Variants in PIEZO2 observed in about 807,000 individuals in gnomAD.
The protein encoded by PIEZO2 is piezo-type mechanosensitive ion channel component 2.
A neutral mutation model predicts 337.3 loss-of-function variants in PIEZO2; 172 were observed. That is an observed-to-expected ratio of 0.51 (90% confidence interval 0.45 to 0.58). The LOEUF is 0.58. Among genes scored for constraint, PIEZO2 ranks in the 20% least tolerant of loss-of-function variants. The pLI is 0.00. For missense variants in PIEZO2, 3,028 were observed against 3,391.3 expected, an observed-to-expected ratio of 0.89 and a Z score of 2.66; for synonymous variants, 1,251 against 1,228.5, an observed-to-expected ratio of 1.02 and a Z score of -0.38.
Position 10,885,147 on chromosome 18 carries a change from G to C in PIEZO2, c.330-13732C>G, listed in dbSNP as rs563241236. 5.0e-4 allele frequency among the ~76,000 whole-genome samples: 76 copies of C among 152,102 alleles called. 1 individual carries two copies. Among genetic ancestry groups the C allele is most frequent in the South Asian group, 3.7e-3 (18 of 4,804 alleles). ...CTCAGCATAAAGAGGGAATAAAGCC[G>C]GGCGTGGTGGCTCACGCCTGTAATC... On this transcript the variant is annotated intron_variant, in intron 4 of 55. Coordinates refer to ENST00000674853, the MANE Select transcript of PIEZO2 (RefSeq NM_001378183.1).
At position 10,713,996 on chromosome 18, in the gene PIEZO2, G is replaced by A. The variant is rs1327244476; in HGVS notation, c.5423+768C>T. ...TCTGCGGTGCAGGAAGAGGCAATGAGAGACAGCATACTAGGGTGGTTGAGA... is the reference window on the plus strand; with the variant it reads ...TCTGCGGTGCAGGAAGAGGCAATGAAAGACAGCATACTAGGGTGGTTGAGA... On this transcript the variant is annotated intron_variant, in intron 39 of 55. Transcript: ENST00000674853. This position sits in a 1 kb window ranked among gnomAD's most constrained non-coding sequence, Gnocchi z 4.5. 6.6e-6 allele frequency among the ~76,000 whole-genome samples: 1 copy of A among 152,184 alleles called. No homozygotes were observed. The highest frequency in any genetic ancestry group is 1.5e-5 in the Non-Finnish European group (1 of 68,032).
chr18:11,057,325 G>T (rs967338878), intron 2 of PIEZO2, among the ~76,000 whole-genome samples: 12 of 152,136 alleles, frequency 7.9e-5, no homozygotes, highest in African/African-American at 2.9e-4. Context: ...AGCTTAGAGT[G>T]ATTCCTGATT....
In PIEZO2 at chr18:10,858,157, T is replaced by A. The variant is rs1302989748; in HGVS notation, c.493-946A>T. Among the ~76,000 whole-genome samples, 8 of 150,468 alleles carry A rather than the reference T, an allele frequency of 5.3e-5. No individual in the cohort carries two copies. In the East Asian group the frequency reaches 5.9e-4, roughly 11 times the overall value. ...CAACATGGTGAAACCCCGTCTCTAC[T>A]AAAAATACAAAAAATTAGCTGAGTG... On this transcript the variant is annotated intron_variant, in intron 5 of 55. Transcript: ENST00000674853.
chr18:10,887,177 C>T (rs2042632475), intron 4 of PIEZO2, among the ~76,000 whole-genome samples: 2 of 148,620 alleles, frequency 1.3e-5, no homozygotes. Context: ...TCAAGCGATC[C>T]TCCTGCCTCA....
At chr18:11,065,763 T>C (rs931511652) in intron 2 of PIEZO2, among the ~76,000 whole-genome samples, 6 of 152,242 alleles carry the variant, frequency 3.9e-5, no homozygotes, top group African/African-American at 1.4e-4. Context: ...GCCACCACAC[T>C]CTCCCCACAA....
rs1184540292 is a variant in PIEZO2, at chr18:10,821,865, T to C, written c.918-14591A>G. 6.6e-6 allele frequency among the ~76,000 whole-genome samples: 1 copy of C among 152,268 alleles called. No individual in the cohort carries two copies. Among genetic ancestry groups the C allele is most frequent in the African/African-American group, 2.4e-5 (1 of 41,480 alleles). On this transcript the variant is annotated intron_variant, in intron 7 of 55. Transcript: ENST00000674853. This position sits in a 1 kb window ranked among gnomAD's most constrained non-coding sequence, Gnocchi z 4.2. ...CCTTGTTCTCTTTTTACTTTCTTTT[T>C]ATATTGTTTGTAAATTTAAACGTGA...
At chr18:11,073,153 C>T (rs11080482) in intron 1 of PIEZO2, among the ~76,000 whole-genome samples, 78,670 of 151,970 alleles carry the variant, frequency 0.52, 22,331 homozygotes, top group East Asian at 0.97. Flanking sequence ...TACCATTATT[C>T]ATAGCAAAGT....
intron 2 of PIEZO2, among the ~76,000 whole-genome samples, chr18:11,023,214 T>C (rs934076979): frequency 6.6e-6 from 1 of 152,112 alleles, no homozygotes; most frequent in Non-Finnish European, 1.5e-5. Context: ...CAGCCTGCTT[T>C]TATTCTCTTA....
chr18:11,089,353 T>G (rs2039002208), intron 1 of PIEZO2, among the ~76,000 whole-genome samples: 1 of 152,198 alleles, frequency 6.6e-6, no homozygotes, highest in Admixed American at 6.5e-5. Context: ...GAAATCAATG[T>G]GTCATCAAGC....
chr18:10,984,362 A>G (rs2034788726), intron 2 of PIEZO2, among the ~76,000 whole-genome samples: 2 of 152,062 alleles, frequency 1.3e-5, no homozygotes, highest in Admixed American at 1.3e-4. Flanking sequence ...AAATATATTA[A>G]TAAAATGAGA....
chr18:10,978,032 C>G (rs970185677), intron 3 of PIEZO2, among the ~76,000 whole-genome samples: 37 of 152,196 alleles, frequency 2.4e-4, no homozygotes, highest in African/African-American at 7.2e-4. Context: ...CTAAAAACTG[C>G]TGAACTGTGG....
intron 4 of PIEZO2, among the ~76,000 whole-genome samples, chr18:10,893,350 G>C (rs1202336284): frequency 6.6e-6 from 1 of 152,170 alleles, no homozygotes; most frequent in Non-Finnish European, 1.5e-5. Context: ...AGCCAGGTCA[G>C]ATTCCTCAGC....
intron 33 of PIEZO2, 57 bp downstream of exon 33, chr18:10,740,974 G>C (rs773940141): frequency 1.1e-5 from 16 of 1,488,776 alleles, no homozygotes; most frequent in Admixed American, 3.9e-5. Context: ...CCTGAATTCT[G>C]GTCAAGGATA....
Position 11,078,046 on chromosome 18 carries a change from CCACA to C in PIEZO2, c.65-11828_65-11825del, listed in dbSNP as rs35766286. On this transcript the variant is annotated intron_variant, in intron 1 of 55. Coordinates refer to ENST00000674853, the MANE Select transcript of PIEZO2 (RefSeq NM_001378183.1). This position sits in a 1 kb window ranked among gnomAD's most constrained non-coding sequence, Gnocchi z 5.3. ...TGCGTGCACACACACCCACACACACCCACACACACACACACACACACCACACACA... is the reference window on the plus strand; with the variant it reads ...TGCGTGCACACACACCCACACACACCCACACACACACACACACCACACACA... 0.074 allele frequency among the ~76,000 whole-genome samples: 10,087 copies of C among 135,784 alleles called. 400 individuals are homozygous for C. The highest frequency in any genetic ancestry group is 0.12 in the African/African-American group (4,611 of 37,752). 89.1% of individuals were successfully genotyped at this position (135,784 alleles called of 152,430 possible).
In PIEZO2 at chr18:11,127,557, C is replaced by T. The variant is rs1397319906; in HGVS notation, c.64+20968G>A. Among the ~76,000 whole-genome samples the T allele has an allele frequency of 6.6e-6, 1 of 152,068 alleles. No homozygotes were observed. The highest frequency in any genetic ancestry group is 1.9e-4 in the East Asian group (1 of 5,170). ...TTTCTCCTGTGCTGAATGCTTCCTG[C>T]CCTCGAACATCAGGCTCCAAGTTCT... On this transcript the variant is annotated intron_variant, in intron 1 of 55. Coordinates refer to ENST00000674853, the MANE Select transcript of PIEZO2 (RefSeq NM_001378183.1). This position sits in a 1 kb window ranked among gnomAD's most constrained non-coding sequence, Gnocchi z 4.5.
At position 10,947,759 on chromosome 18, in the gene PIEZO2, A is replaced by G. The variant is rs7232521; in HGVS notation, c.286+31776T>C. 4.7e-3 allele frequency among the ~76,000 whole-genome samples: 722 copies of G among 152,318 alleles called. 7 individuals carry two copies. Among genetic ancestry groups the G allele is most frequent in the African/African-American group, 0.015 (609 of 41,580 alleles). Reference sequence around the variant, plus strand: ...AAAGATGAATGTTCAAACAAATATGATAACAATATATTATGGGCTTTATAA... The same window carrying G: ...AAAGATGAATGTTCAAACAAATATGGTAACAATATATTATGGGCTTTATAA... On this transcript the variant is annotated intron_variant, in intron 3 of 55. Coordinates refer to ENST00000674853, the MANE Select transcript of PIEZO2 (RefSeq NM_001378183.1).
intron 3 of PIEZO2, among the ~76,000 whole-genome samples, chr18:10,956,953 G>C (rs2033553902): frequency 7.2e-6 from 1 of 138,280 alleles, no homozygotes; most frequent in Non-Finnish European, 1.5e-5. Context: ...TAGGCAACAA[G>C]AGCAAAACTC....
Position 10,850,586 on chromosome 18 carries a change from A to T in PIEZO2, c.917+4767T>A, listed in dbSNP as rs897730391. On this transcript the variant is annotated intron_variant, in intron 7 of 55. Transcript: ENST00000674853. This position sits in a 1 kb window ranked among gnomAD's most constrained non-coding sequence, Gnocchi z 4.5. ...GAAATCATCTACGTGGTTAAAACTCAGGGGTTGACTAAATTCTAATATAGC... is the reference window on the plus strand; with the variant it reads ...GAAATCATCTACGTGGTTAAAACTCTGGGGTTGACTAAATTCTAATATAGC... Among the ~76,000 whole-genome samples the T allele has an allele frequency of 2.0e-5, 3 of 152,226 alleles. No homozygotes were observed. The highest frequency in any genetic ancestry group is 7.2e-5 in the African/African-American group (3 of 41,460).
In PIEZO2 at chr18:10,982,216, A is replaced by G. The variant is rs965841091; in HGVS notation, c.161-2556T>C. Among the ~76,000 whole-genome samples, 8 of 152,184 alleles carry G rather than the reference A, an allele frequency of 5.3e-5. No individual in the cohort carries two copies. Among genetic ancestry groups the G allele is most frequent in the African/African-American group, 1.9e-4 (8 of 41,452 alleles). On this transcript the variant is annotated intron_variant, in intron 2 of 55. Coordinates refer to ENST00000674853, the MANE Select transcript of PIEZO2 (RefSeq NM_001378183.1). This position sits in a 1 kb window ranked among gnomAD's most constrained non-coding sequence, Gnocchi z 4.1. ...TTTGTAAATATCCATTACTAGGTGT[A>G]TTCGGGTTCTCTAGAGGGACAGGAC...
Sources: gnomAD v4.1 joint callset for allele counts (sites outside exome capture counted in the v4.1 genomes callset) on GRCh38, gnomAD v4.1.1 for gene constraint, Gnocchi (gnomAD v3.1) non-coding constraint, MANE v1.5 for transcripts, NCBI Gene and HGNC (gene_info 2026-07-23, HGNC 2026-07-21) for gene names.